The following GSTCD variants were observed in gnomAD, a reference collection of about 807,000 sequenced individuals.
The protein encoded by GSTCD is glutathione S-transferase C-terminal domain containing, also known as glutathione S-transferase C-terminal domain-containing protein.
Under a neutral mutation model 68.3 loss-of-function variants are expected in GSTCD, and 44 were observed. The ratio of observed to expected loss-of-function variants is 0.64; its 90% CI spans 0.51 to 0.83. The LOEUF is 0.83. GSTCD is among the 40% of genes least tolerant of loss of function. The pLI, the probability that GSTCD is intolerant of heterozygous loss-of-function variation, is 0.00. For missense variants in GSTCD, 739 were observed against 735.9 expected, an observed-to-expected ratio of 1.00 and a Z score of -0.05; for synonymous variants, 273 against 255.2, an observed-to-expected ratio of 1.07 and a Z score of -0.67.
chr4:105,742,994 G>A (rs1474863057), intron 5 of GSTCD, among the ~76,000 whole-genome samples: 1 of 150,276 alleles, frequency 6.7e-6, no homozygotes, highest in Non-Finnish European at 1.5e-5. Flanking sequence ...CTGTTGCCCA[G>A]GCTAGAGTGC....
At chr4:105,756,293 C>G (rs1013658587) in intron 5 of GSTCD, among the ~76,000 whole-genome samples, 1 of 151,932 alleles carries the variant, frequency 6.6e-6, no homozygotes, top group African/African-American at 2.4e-5. Context: ...AATTTCCATC[C>G]CCTCTCCCCT....
At chr4:105,802,721 A>G (rs911004661) in intron 5 of GSTCD, among the ~76,000 whole-genome samples, 6 of 152,152 alleles carry the variant, frequency 3.9e-5, no homozygotes, top group African/African-American at 1.2e-4. Context: ...CTTTGCATTC[A>G]GGAGGTTCTC....
At chr4:105,797,760 CTTTTTTTTTTTTTTTT>C (rs70941218) in intron 5 of GSTCD, among the ~76,000 whole-genome samples, 3 of 84,952 alleles carry the variant, frequency 3.5e-5, no homozygotes, top group Non-Finnish European at 6.9e-5. Flanking sequence ...CACAATAGAA[CTTTTTTTTTTTTTTTT>C]TTTTTTTTTT....
chr4:105,736,669 C>T (rs916290175), intron 5 of GSTCD, among the ~76,000 whole-genome samples: 8 of 152,132 alleles, frequency 5.3e-5, no homozygotes, highest in Admixed American at 5.2e-4. Context: ...CCAAACAGTG[C>T]TGTAGAACCC....
At chr4:105,756,544 G>T (rs1052274051) in intron 5 of GSTCD, among the ~76,000 whole-genome samples, 1 of 138,136 alleles carries the variant, frequency 7.2e-6, no homozygotes, top group African/African-American at 2.7e-5. Flanking sequence ...ACATATATAC[G>T]CATACATATA....
At position 105,822,945 on chromosome 4, in the gene GSTCD, C is replaced by T. The variant is rs767096128; in HGVS notation, c.1241-9C>T. 6.9e-6 allele frequency: 11 copies of T among 1,593,848 alleles called. No individual in the cohort carries two copies. The Admixed American group carries it at 1.9e-4, about 27-fold the overall frequency. On this transcript the variant is annotated splice_polypyrimidine_tract_variant and intron_variant, in intron 5 of 11. Transcript: ENST00000515279. The stretch of plus-strand genomic sequence containing the variant: ...ATGTTTTGTGTTCTTCATTTCTTGT[C>T]TTTCTCAGGTAAAATGTCCAGTGAT...
intron 5 of GSTCD, among the ~76,000 whole-genome samples, chr4:105,735,911 A>ATCATTAAAT (rs1256084047): frequency 6.6e-6 from 1 of 152,186 alleles, no homozygotes; most frequent in Admixed American, 6.5e-5. Context: ...TATCTTAAAT[A>ATCATTAAAT]ATCACAATGC....
At chr4:105,801,949 C>G (rs1030306889) in intron 5 of GSTCD, among the ~76,000 whole-genome samples, 5 of 152,022 alleles carry the variant, frequency 3.3e-5, no homozygotes, top group African/African-American at 7.2e-5. Context: ...TTTCTATTTA[C>G]TAGCTGTGTG....
At chr4:105,739,706 G>A (rs899782426) in intron 5 of GSTCD, among the ~76,000 whole-genome samples, 2 of 152,192 alleles carry the variant, frequency 1.3e-5, no homozygotes, top group African/African-American at 4.8e-5. Flanking sequence ...ATTTACCTGG[G>A]ATGTCTTGTG....
At position 105,837,446 on chromosome 4, in the gene GSTCD, T is replaced by C. The variant is rs1724169787; in HGVS notation, c.1665-413T>C. ...CCTGACCTATACTGGTGTTTCCCCA[T>C]GTGGCCCTTCATCACATGGCATGCC... On this transcript the variant is annotated intron_variant, in intron 9 of 11. Coordinates refer to ENST00000515279, the MANE Select transcript of GSTCD (RefSeq NM_001370181.1). 2.0e-5 allele frequency among the ~76,000 whole-genome samples: 3 copies of C among 152,204 alleles called. No homozygotes were observed. The South Asian group carries it at 6.2e-4, about 32-fold the overall frequency.
rs189257765 is a variant in GSTCD, at chr4:105,754,893, T to A, written c.1240+25394T>A. On this transcript the variant is annotated intron_variant, in intron 5 of 11. Coordinates refer to ENST00000515279, the MANE Select transcript of GSTCD (RefSeq NM_001370181.1). ...ACAAGAAAAGGAGAGAAAACTTAGC[T>A]GTAAAAGGCAATATTACAGAAAATG... Among the ~76,000 whole-genome samples the A allele has an allele frequency of 4.2e-3, 635 of 151,816 alleles. 7 individuals carry two copies. Among genetic ancestry groups the A allele is most frequent in the African/African-American group, 0.014 (597 of 41,374 alleles).
At chr4:105,775,702 C>T (rs1735030933) in intron 5 of GSTCD, among the ~76,000 whole-genome samples, 1 of 152,210 alleles carries the variant, frequency 6.6e-6, no homozygotes, top group African/African-American at 2.4e-5. Context: ...AAGATTGCTG[C>T]CTGTTCCTTC....
At position 105,837,395 on chromosome 4, in the gene GSTCD, CCTTT is replaced by C. The variant is rs1578525319; in HGVS notation, c.1665-463_1665-460del. On this transcript the variant is annotated intron_variant, in intron 9 of 11. Transcript: ENST00000515279. ...GCCACTCCCAAGCCTGCTTACCTCA[CCTTT>C]TTCTTCCCATGGAAACCGCCTCCTG... 1.1e-4 allele frequency among the ~76,000 whole-genome samples: 16 copies of C among 152,328 alleles called. No homozygotes were observed. The South Asian group carries it at 3.3e-3, about 32-fold the overall frequency.
At chr4:105,764,087 GAC>G (rs1296618052) in intron 5 of GSTCD, among the ~76,000 whole-genome samples, 1 of 151,816 alleles carries the variant, frequency 6.6e-6, no homozygotes. Flanking sequence ...AAAAAAATAG[GAC>G]AGAAAGTCAC....
At chr4:105,808,302 A>G (rs1295150682) in intron 5 of GSTCD, among the ~76,000 whole-genome samples, 1 of 152,088 alleles carries the variant, frequency 6.6e-6, no homozygotes, top group Non-Finnish European at 1.5e-5. Flanking sequence ...TGGCAGTTTG[A>G]TTCTTTCTAA....
chr4:105,745,012 C>A (rs1019138849), intron 5 of GSTCD, among the ~76,000 whole-genome samples: 1 of 152,124 alleles, frequency 6.6e-6, no homozygotes, highest in African/African-American at 2.4e-5. Context: ...TACTAAAAAT[C>A]ATGAGTTTAT....
At chr4:105,720,829 T>C (rs1219719478) in intron 3 of GSTCD, among the ~76,000 whole-genome samples, 1 of 152,236 alleles carries the variant, frequency 6.6e-6, no homozygotes, top group Admixed American at 6.5e-5. Context: ...TTGACTTCTT[T>C]GGATAACTGT....
intron 5 of GSTCD, among the ~76,000 whole-genome samples, chr4:105,771,944 C>G (rs1338183984): frequency 6.6e-6 from 1 of 152,100 alleles, no homozygotes; most frequent in African/African-American, 2.4e-5. Context: ...AGCACTGAAT[C>G]TATAAATTAC....
chr4:105,841,814 G>A (rs1467196932), intron 10 of GSTCD, among the ~76,000 whole-genome samples: 2 of 152,148 alleles, frequency 1.3e-5, no homozygotes, highest in Admixed American at 1.3e-4. Context: ...TTGCGCCACT[G>A]CACTCCAGCC....
Sources: allele counts gnomAD v4.1 joint callset (sites outside exome capture counted in the v4.1 genomes callset), GRCh38; gene constraint gnomAD v4.1.1; transcripts MANE v1.5; gene names NCBI Gene and HGNC (gene_info 2026-07-23, HGNC 2026-07-21).